The following MYO1B variants were observed in gnomAD, a reference collection of about 807,000 sequenced individuals.
The protein encoded by MYO1B is unconventional myosin-Ib.
MYO1B carries 72 observed loss-of-function variants against 159.7 expected under a neutral mutation model. That is an observed-to-expected ratio of 0.45 (90% CI 0.37 to 0.55). MYO1B has a LOEUF of 0.55. Ranked by LOEUF, MYO1B falls within the 20% of genes least tolerant of loss-of-function variation. The probability of loss-of-function intolerance (pLI) is 0.00; values close to 1 mark genes in which losing one functional copy is unlikely to be tolerated. For synonymous variants in MYO1B, 468 were observed against 473.8 expected (o/e 0.99, Z 0.16); for missense variants, 1,062 against 1,364.8 (o/e 0.78, Z 3.50).
intron 3 of MYO1B, among the ~76,000 whole-genome samples, chr2:191,311,770 A>G (rs918221503): frequency 1.3e-5 from 2 of 152,226 alleles, no homozygotes; most frequent in African/African-American, 4.8e-5. Flanking sequence ...TAAATTATAA[A>G]ATGAACACAT....
At chr2:191,345,236 G>A (rs150770055) in intron 5 of MYO1B, among the ~76,000 whole-genome samples, 308 of 152,310 alleles carry the variant, frequency 2.0e-3, no homozygotes, top group African/African-American at 7.2e-3. Context: ...CATTGAACCT[G>A]AGTCTGCACT....
intron 20 of MYO1B, 97 bp downstream of exon 20, chr2:191,393,319 C>T (rs760097888): frequency 5.5e-5 from 74 of 1,338,886 alleles, no homozygotes; most frequent in Non-Finnish European, 6.2e-5. Context: ...ATACTTAATT[C>T]TCCCAACAAC....
intron 1 of MYO1B, among the ~76,000 whole-genome samples, chr2:191,269,399 T>C (rs549453552): frequency 3.3e-5 from 5 of 152,372 alleles, no homozygotes; most frequent in Admixed American, 3.3e-4. Context: ...CATTCATCCA[T>C]TGATGGACAC....
At chr2:191,351,069 CCT>C (rs1692889879) in intron 7 of MYO1B, among the ~76,000 whole-genome samples, 1 of 152,018 alleles carries the variant, frequency 6.6e-6, no homozygotes, top group East Asian at 1.9e-4. Context: ...GTCTGGTTAT[CCT>C]CTGAGTCCTC....
At chr2:191,355,269 C>T (rs751160496) in intron 7 of MYO1B, among the ~76,000 whole-genome samples, 3 of 152,210 alleles carry the variant, frequency 2.0e-5, no homozygotes, top group Non-Finnish European at 4.4e-5. Context: ...CAGAGATGAG[C>T]CAAGCTGGCT....
chr2:191,389,337 T>TTAGGCAGCC (rs1695599085), intron 17 of MYO1B, among the ~76,000 whole-genome samples: 1 of 152,260 alleles, frequency 6.6e-6, no homozygotes, highest in Admixed American at 6.5e-5. Flanking sequence ...ATTGCTGCAG[T>TTAGGCAGCC]ATGATCCAAA....
At chr2:191,307,367 C>G (rs1026554199) in intron 3 of MYO1B, among the ~76,000 whole-genome samples, 4 of 152,072 alleles carry the variant, frequency 2.6e-5, no homozygotes, top group African/African-American at 4.8e-5. Flanking sequence ...TGAGGGTGAC[C>G]AGAGGGCAGC....
chr2:191,359,829 G>C (rs930884926), intron 7 of MYO1B, among the ~76,000 whole-genome samples: 1 of 152,150 alleles, frequency 6.6e-6, no homozygotes, highest in Non-Finnish European at 1.5e-5. Flanking sequence ...ACAGCCTTTT[G>C]TATCACTATT....
At chr2:191,392,052 G>A in intron 18 of MYO1B, 56 bp from the exon 19 acceptor site, 2 of 1,346,412 alleles carry the variant, frequency 1.5e-6, no homozygotes, top group Non-Finnish European at 2.1e-6. Flanking sequence ...CATGATAGAA[G>A]ATAAAACTAT....
intron 5 of MYO1B, 62 bp downstream of exon 5, chr2:191,341,627 G>T: frequency 7.6e-7 from 1 of 1,323,854 alleles, no homozygotes; most frequent in Non-Finnish European, 1.1e-6. Context: ...TTATGTGGGT[G>T]CTTTGAGTAC....
intron 2 of MYO1B, among the ~76,000 whole-genome samples, chr2:191,289,943 T>C (rs1274539079): frequency 1.3e-5 from 2 of 152,244 alleles, no homozygotes; most frequent in Admixed American, 1.3e-4. Context: ...GTTTCATTTA[T>C]CTGCCTTTGC....
At chr2:191,312,975 C>A (rs550551835) in intron 3 of MYO1B, among the ~76,000 whole-genome samples, 1 of 152,052 alleles carries the variant, frequency 6.6e-6, no homozygotes, top group Non-Finnish European at 1.5e-5. Flanking sequence ...TGTTTGAGAC[C>A]TTGTAAGGGG....
At chr2:191,270,756 G>T (rs1687408621) in intron 1 of MYO1B, among the ~76,000 whole-genome samples, 1 of 152,116 alleles carries the variant, frequency 6.6e-6, no homozygotes, top group Non-Finnish European at 1.5e-5. Flanking sequence ...TGCCACATTG[G>T]CTCCATTTTC....
chr2:191,329,953 A>C lies in MYO1B; in HGVS notation c.270A>C (p.Glu90Asp). Residue 90 changes from glutamate to aspartate, a missense_variant, in exon 4 of 31, where the codon GAA becomes GAC. Physicochemically the swap from Glu to Asp is conservative, Grantham distance 45 (BLOSUM62 2). Around this residue, in one of 5 missense-constraint regions of MYO1B, gnomAD observed 415 missense variants for 544.0 expected, o/e 0.76. Coordinates refer to ENST00000392318, the MANE Select transcript of MYO1B (RefSeq NM_001130158.3). Reference protein sequence around the residue: ...LSPHIFALSDEAYRSLRDQDK... With the variant: ...LSPHIFALSDDAYRSLRDQDK... ...CCTGCAGCTTTGCCCTTTCGGATGAAGCATACAGATCCCTACGAGATCAAG... is the reference window on the plus strand; with the variant it reads ...CCTGCAGCTTTGCCCTTTCGGATGACGCATACAGATCCCTACGAGATCAAG... 2 of 1,611,534 alleles carry C rather than the reference A, an allele frequency of 1.2e-6. No homozygotes were observed. The highest frequency in any genetic ancestry group is 1.7e-6 in the Non-Finnish European group (2 of 1,178,534).
At chr2:191,371,508 T>A (rs1694363437) in intron 13 of MYO1B, among the ~76,000 whole-genome samples, 1 of 152,200 alleles carries the variant, frequency 6.6e-6, no homozygotes. Context: ...GTTATTATTA[T>A]GAATTCCATT....
chr2:191,385,186 A>C (rs948394949), intron 15 of MYO1B, among the ~76,000 whole-genome samples: 1 of 152,212 alleles, frequency 6.6e-6, no homozygotes, highest in Non-Finnish European at 1.5e-5. Context: ...TTTAGGGCTG[A>C]CTACTCTTGG....
At chr2:191,285,351 T>C (rs1388432586) in intron 2 of MYO1B, among the ~76,000 whole-genome samples, 4 of 152,192 alleles carry the variant, frequency 2.6e-5, no homozygotes, top group African/African-American at 7.2e-5. Flanking sequence ...AATGACTGGC[T>C]GCAGCCCAGG....
intron 14 of MYO1B, among the ~76,000 whole-genome samples, chr2:191,381,789 T>G (rs946398722): frequency 2.0e-5 from 3 of 152,184 alleles, no homozygotes; most frequent in African/African-American, 7.2e-5. Context: ...GGGTTGTGGC[T>G]GCAAAGAGAA....
intron 1 of MYO1B, chr2:191,263,048 ATTCT>A (rs1686919538): frequency 6.6e-6 from 1 of 152,122 alleles, no homozygotes; most frequent in African/African-American, 2.4e-5. Context: ...TGTGTCTCTC[ATTCT>A]TTCTTCTTTC....
Sources: allele counts gnomAD v4.1 joint callset (sites outside exome capture counted in the v4.1 genomes callset), GRCh38; gene constraint gnomAD v4.1.1; regional missense constraint gnomAD v4.1.1; transcripts MANE v1.5; gene names NCBI Gene and HGNC (gene_info 2026-07-23, HGNC 2026-07-21).